Variants in GRIN3A observed in about 807,000 individuals in gnomAD.
GRIN3A encodes glutamate ionotropic receptor NMDA type subunit 3A.
In GRIN3A, 47 loss-of-function variants were observed where a neutral mutation model predicts 92.4. The ratio of observed to expected loss-of-function variants is 0.51; its 90% CI spans 0.40 to 0.65. GRIN3A has a LOEUF of 0.65. Among genes scored for constraint, GRIN3A ranks in the 30% least tolerant of loss-of-function variants. The probability of loss-of-function intolerance (pLI) is 0.00; values close to 1 mark genes in which losing one functional copy is unlikely to be tolerated. For synonymous variants in GRIN3A, 527 were observed against 540.6 expected, an observed-to-expected ratio of 0.97 and a Z score of 0.35; for missense variants, 1,324 against 1,393.1, an observed-to-expected ratio of 0.95 and a Z score of 0.79.
chr9:101,700,401 G>A (rs1485515568), intron 1 of GRIN3A, among the ~76,000 whole-genome samples: 1 of 152,104 alleles, frequency 6.6e-6, no homozygotes, highest in Non-Finnish European at 1.5e-5. Flanking sequence ...ATTCTATCAG[G>A]TGGCACAGAT....
intron 5 of GRIN3A, among the ~76,000 whole-genome samples, chr9:101,617,768 G>C (rs199978325): frequency 2.0e-5 from 3 of 148,834 alleles, no homozygotes; most frequent in African/African-American, 7.7e-5. Flanking sequence ...TCTAGCATTA[G>C]GTATATCTCC....
chr9:101,699,721 G>A (rs1268164873), intron 1 of GRIN3A, among the ~76,000 whole-genome samples: 1 of 152,126 alleles, frequency 6.6e-6, no homozygotes, highest in Admixed American at 6.6e-5. Flanking sequence ...ATATCCCCAT[G>A]TATTCTAGCT....
At chr9:101,661,222 A>G (rs1398610667) in intron 3 of GRIN3A, among the ~76,000 whole-genome samples, 3 of 151,878 alleles carry the variant, frequency 2.0e-5, no homozygotes, top group Non-Finnish European at 2.9e-5. Flanking sequence ...TGATATTGTC[A>G]CCACTATTGT....
At chr9:101,650,079 G>A (rs1242093555) in intron 3 of GRIN3A, among the ~76,000 whole-genome samples, 1 of 151,944 alleles carries the variant, frequency 6.6e-6, no homozygotes, top group African/African-American at 2.4e-5. Context: ...ACAACTTTTT[G>A]GCTACTTACC....
intron 1 of GRIN3A, among the ~76,000 whole-genome samples, chr9:101,727,473 T>G: frequency 6.6e-6 from 1 of 152,230 alleles, no homozygotes; most frequent in East Asian, 1.9e-4. Context: ...ATAAAATGGC[T>G]GCATCTCTTT....
chr9:101,577,656 T>C, intron 8 of GRIN3A, 112 bp downstream of exon 8: 1 of 837,384 alleles, frequency 1.2e-6, no homozygotes, highest in Non-Finnish European at 2.1e-6. Flanking sequence ...TTCCCTCTAT[T>C]TATACTGATT....
intron 6 of GRIN3A, chr9:101,591,537 A>T (rs1415676494): frequency 3.3e-5 from 5 of 152,212 alleles, no homozygotes; most frequent in African/African-American, 1.2e-4. Flanking sequence ...TGCTGAAATA[A>T]TGGCACCAGA....
chr9:101,573,619 AT>A, intron 8 of GRIN3A, 106 bp from the exon 9 acceptor site: 1 of 893,824 alleles, frequency 1.1e-6, no homozygotes, highest in Non-Finnish European at 1.8e-6. Context: ...CTGGGTGTGC[AT>A]TTAGAGATGA....
intron 3 of GRIN3A, among the ~76,000 whole-genome samples, chr9:101,648,714 C>CT (rs768201450): frequency 6.6e-6 from 1 of 152,036 alleles, no homozygotes; most frequent in Admixed American, 6.6e-5. Flanking sequence ...ATGTAATGAC[C>CT]TTTTTTGTCA....
chr9:101,645,555 C>A (rs946168793), intron 3 of GRIN3A, among the ~76,000 whole-genome samples: 1 of 151,428 alleles, frequency 6.6e-6, no homozygotes, highest in Non-Finnish European at 1.5e-5. Context: ...GGATCAGCAG[C>A]GGATTGCTAG....
At chr9:101,575,206 G>A (rs1220309291) in intron 8 of GRIN3A, among the ~76,000 whole-genome samples, 1 of 152,132 alleles carries the variant, frequency 6.6e-6, no homozygotes, top group Non-Finnish European at 1.5e-5. Context: ...ATGAGCAGAG[G>A]GTACCAGAGC....
chr9:101,630,987 A>G (rs916831085), intron 3 of GRIN3A, among the ~76,000 whole-genome samples: 3 of 152,082 alleles, frequency 2.0e-5, no homozygotes, highest in African/African-American at 7.2e-5. Flanking sequence ...TTCTGCTCTC[A>G]GTTCAGTAAT....
At chr9:101,672,905 A>G (rs952183161) in intron 2 of GRIN3A, among the ~76,000 whole-genome samples, 2 of 152,182 alleles carry the variant, frequency 1.3e-5, no homozygotes, top group Non-Finnish European at 2.9e-5. Context: ...AAATCATTAA[A>G]ATATACAGAT....
chr9:101,573,119 GTC>G lies in GRIN3A; in HGVS notation c.*53_*54del. ...TAGTTACAAAAGAGCATTACAAAGT[GTC>G]TCAAGGGCTCAGAGGAAGGTCAGGA... On this transcript the variant is annotated 3_prime_UTR_variant, in exon 9 of 9. Transcript: ENST00000361820. The G allele has an allele frequency of 7.1e-7, 1 of 1,414,540 alleles. No homozygotes were observed. Among genetic ancestry groups the G allele is most frequent in the South Asian group, 1.1e-5 (1 of 86,972 alleles). The allele number at this position is 1,414,540 out of a possible 1,614,324, so 87.6% of individuals were successfully genotyped here. A position where few individuals can be genotyped will look rare whatever the true frequency, so the allele number is the denominator to read the frequency against.
At chr9:101,707,107 T>C (rs760380637) in intron 1 of GRIN3A, among the ~76,000 whole-genome samples, 2 of 152,326 alleles carry the variant, frequency 1.3e-5, no homozygotes, top group South Asian at 4.1e-4. Flanking sequence ...ATCATGATGT[T>C]GAAATGTCAA....
chr9:101,638,637 C>T (rs1297437857), intron 3 of GRIN3A, among the ~76,000 whole-genome samples: 1 of 152,202 alleles, frequency 6.6e-6, no homozygotes, highest in Non-Finnish European at 1.5e-5. Flanking sequence ...TGATGTAGCT[C>T]ACCATGTGCC....
intron 5 of GRIN3A, among the ~76,000 whole-genome samples, chr9:101,617,799 C>T (rs926986363): frequency 1.5e-5 from 2 of 132,066 alleles, no homozygotes; most frequent in Non-Finnish European, 3.2e-5. Flanking sequence ...CCTCCCCCCT[C>T]CCCCAACCCC....
intron 6 of GRIN3A, among the ~76,000 whole-genome samples, chr9:101,607,651 T>C (rs1828304952): frequency 6.6e-6 from 1 of 152,168 alleles, no homozygotes; most frequent in Admixed American, 6.5e-5. Context: ...CTGAGCTGGA[T>C]TAAGGCACTC....
chr9:101,732,218 C>CA (rs776084064), intron 1 of GRIN3A, among the ~76,000 whole-genome samples: 4 of 152,160 alleles, frequency 2.6e-5, no homozygotes, highest in Admixed American at 1.3e-4. Context: ...TGAATCAACA[C>CA]ACTGCTTTCC....
Sources: allele counts gnomAD v4.1 joint callset (sites outside exome capture counted in the v4.1 genomes callset), GRCh38; gene constraint gnomAD v4.1.1; transcripts MANE v1.5; gene names NCBI Gene and HGNC (gene_info 2026-07-23, HGNC 2026-07-21).